The following RASGRF2 variants were observed in gnomAD, a reference collection of about 807,000 sequenced individuals.
RASGRF2 encodes the protein ras-specific guanine nucleotide-releasing factor 2.
A neutral mutation model predicts 151.0 loss-of-function variants in RASGRF2; 76 were observed. The ratio of observed to expected loss-of-function variants is 0.50; its 90% CI spans 0.42 to 0.61. The LOEUF is 0.61. RASGRF2 is among the 20% of genes least tolerant of loss of function. The pLI is 0.00. For missense variants in RASGRF2, 1,148 were observed against 1,564.6 expected (o/e 0.73, Z 4.49); for synonymous variants, 504 against 566.5 (o/e 0.89, Z 1.57).
chr5:81,214,739 G>A (rs1440958565), intron 23 of RASGRF2, among the ~76,000 whole-genome samples: 2 of 152,168 alleles, frequency 1.3e-5, no homozygotes, highest in East Asian at 3.8e-4. Context: ...GATCCTCCAT[G>A]CCCAGCCACG....
intron 1 of RASGRF2, among the ~76,000 whole-genome samples, chr5:80,975,810 A>G (rs777992986): frequency 6.7e-5 from 10 of 148,754 alleles, no homozygotes; most frequent in African/African-American, 4.9e-5. Flanking sequence ...CTGTTGATCT[A>G]TTGTATATTT....
intron 1 of RASGRF2, among the ~76,000 whole-genome samples, chr5:80,977,106 G>A (rs911500739): frequency 2.6e-4 from 40 of 152,272 alleles, no homozygotes; most frequent in African/African-American, 8.9e-4. Flanking sequence ...CCCAACTGTC[G>A]TTTCCTCCCA....
At chr5:81,134,101 TGTGTGTGTGA>T (rs1227369760) in intron 17 of RASGRF2, among the ~76,000 whole-genome samples, 3 of 151,660 alleles carry the variant, frequency 2.0e-5, no homozygotes, top group Non-Finnish European at 4.4e-5. Context: ...TGTGTGTGTG[TGTGTGTGTGA>T]GTGAATATTT....
intron 1 of RASGRF2, among the ~76,000 whole-genome samples, chr5:81,031,668 A>G (rs1454094182): frequency 6.6e-6 from 1 of 152,244 alleles, no homozygotes; most frequent in African/African-American, 2.4e-5. Context: ...AGGAAAATTT[A>G]TAGCACTAAA....
intron 1 of RASGRF2, among the ~76,000 whole-genome samples, chr5:80,965,593 G>C (rs750433031): frequency 6.6e-6 from 1 of 152,110 alleles, no homozygotes; most frequent in Non-Finnish European, 1.5e-5. Flanking sequence ...TTATTGTTGT[G>C]AACAACTATT....
chr5:81,175,755 CAAAAAAA>C (rs33931356), intron 17 of RASGRF2, among the ~76,000 whole-genome samples: 1 of 99,546 alleles, frequency 1.0e-5, no homozygotes, highest in Non-Finnish European at 2.1e-5. Flanking sequence ...AACTCCGTCT[CAAAAAAA>C]AAAAAAAAAA....
At chr5:80,965,673 A>G (rs1747699773) in intron 1 of RASGRF2, among the ~76,000 whole-genome samples, 1 of 152,178 alleles carries the variant, frequency 6.6e-6, no homozygotes, top group South Asian at 2.1e-4. Flanking sequence ...TAGTGTTATA[A>G]CAATTTTTCC....
intron 19 of RASGRF2, among the ~76,000 whole-genome samples, chr5:81,204,865 G>C (rs1457807037): frequency 6.6e-6 from 1 of 152,158 alleles, no homozygotes; most frequent in African/African-American, 2.4e-5. Flanking sequence ...ATTGAGAAGA[G>C]GAACATTTGA....
chr5:81,201,118 G>A (rs1755384483), intron 18 of RASGRF2, among the ~76,000 whole-genome samples: 2 of 152,040 alleles, frequency 1.3e-5, no homozygotes, highest in Non-Finnish European at 2.9e-5. Flanking sequence ...CCCCTGGGGA[G>A]CCCCCAGGGG....
At chr5:81,008,130 C>G (rs1336837309) in intron 1 of RASGRF2, among the ~76,000 whole-genome samples, 1 of 97,738 alleles carries the variant, frequency 1.0e-5, no homozygotes, top group African/African-American at 3.8e-5. Flanking sequence ...CTTTTTCTTT[C>G]TTTCTTTCCT....
chr5:80,995,688 C>CCCT (rs1748826249), intron 1 of RASGRF2, among the ~76,000 whole-genome samples: 2 of 127,644 alleles, frequency 1.6e-5, no homozygotes, highest in South Asian at 3.0e-4. Flanking sequence ...TTTCCTTCCC[C>CCCT]CCCCCTTTTT....
At position 81,056,093 on chromosome 5, in the gene RASGRF2, G is replaced by A. The variant is rs1360773854; in HGVS notation, c.396-11939G>A. On this transcript the variant is annotated intron_variant, in intron 2 of 26. Transcript: ENST00000265080. ...CAAAAAACCAGCTCCTGGATTCATT[G>A]ATTTTTTGAAGGGTTTTTTATGTCT... Among the ~76,000 whole-genome samples the A allele has an allele frequency of 3.9e-5, 6 of 152,134 alleles. No homozygotes were observed. In the East Asian group the frequency reaches 1.2e-3, roughly 29 times the overall value.
chr5:81,037,286 A>G (rs1201895227), intron 1 of RASGRF2, among the ~76,000 whole-genome samples: 1 of 152,140 alleles, frequency 6.6e-6, no homozygotes, highest in African/African-American at 2.4e-5. Context: ...TCAAACTGTT[A>G]AAAAATATGT....
intron 1 of RASGRF2, among the ~76,000 whole-genome samples, chr5:81,013,595 TTATATATA>T (rs149298620): frequency 6.7e-6 from 1 of 148,856 alleles, no homozygotes; most frequent in Non-Finnish European, 1.5e-5. Context: ...AATATATTTG[TTATATATA>T]TATATATATG....
At chr5:80,996,519 C>T (rs1561544836) in intron 1 of RASGRF2, among the ~76,000 whole-genome samples, 987 of 37,588 alleles carry the variant, frequency 0.026, 112 homozygotes, top group African/African-American at 0.035. Context: ...TCCTCCTCCT[C>T]CCCCTCCTCC....
At chr5:81,120,557 T>C (rs1223764274) in intron 15 of RASGRF2, among the ~76,000 whole-genome samples, 1 of 152,202 alleles carries the variant, frequency 6.6e-6, no homozygotes, top group Non-Finnish European at 1.5e-5. Context: ...CATTCCAGCC[T>C]GGGTCACAGA....
intron 17 of RASGRF2, among the ~76,000 whole-genome samples, chr5:81,168,359 A>G (rs1429943589): frequency 8.2e-6 from 1 of 121,360 alleles, no homozygotes; most frequent in South Asian, 2.6e-4. Flanking sequence ...CGCCCAAGTT[A>G]GAGTGCAGTG....
intron 18 of RASGRF2, among the ~76,000 whole-genome samples, chr5:81,182,559 T>C (rs535880023): frequency 3.3e-5 from 5 of 152,214 alleles, no homozygotes; most frequent in Non-Finnish European, 5.9e-5. Context: ...GACTCACTTA[T>C]GGCTGCCCAG....
chr5:81,056,160 C>T (rs1751203675), intron 2 of RASGRF2, among the ~76,000 whole-genome samples: 1 of 151,838 alleles, frequency 6.6e-6, no homozygotes, highest in Non-Finnish European at 1.5e-5. Context: ...TATTTTTTGC[C>T]TTCTGCTGGC....
Sources: gnomAD v4.1 joint callset for allele counts (sites outside exome capture counted in the v4.1 genomes callset) on GRCh38, gnomAD v4.1.1 for gene constraint, MANE v1.5 for transcripts, NCBI Gene and HGNC (gene_info 2026-07-23, HGNC 2026-07-21) for gene names.